Variants in MAPK8 observed in about 807,000 individuals in gnomAD.
The protein encoded by MAPK8 is JUN N-terminal kinase.
MAPK8 carries 13 observed loss-of-function variants against 52.9 expected under a neutral mutation model. That is an observed-to-expected ratio of 0.25 (90% CI 0.16 to 0.39). The LOEUF is 0.39. Ranked by LOEUF, MAPK8 falls within the 10% of genes least tolerant of loss-of-function variation. MAPK8 has a pLI of 1.00. For missense variants in MAPK8, 300 were observed against 519.2 expected (o/e 0.58, Z 4.10); for synonymous variants, 191 against 169.8 (o/e 1.12, Z -0.97).
intron 1 of MAPK8, among the ~76,000 whole-genome samples, chr10:48,312,604 C>T (rs1274234012): frequency 6.6e-6 from 1 of 152,144 alleles, no homozygotes; most frequent in African/African-American, 2.4e-5. Context: ...GAAAAATCAC[C>T]ATTTTCTGAC....
At chr10:48,403,921 G>A (rs1168175937) in intron 2 of MAPK8, among the ~76,000 whole-genome samples, 2 of 141,852 alleles carry the variant, frequency 1.4e-5, no homozygotes, top group African/African-American at 2.6e-5. Context: ...GCTAATTTGT[G>A]TGTGTGTGTG....
At chr10:48,324,245 C>T (rs1843257260) in intron 1 of MAPK8, among the ~76,000 whole-genome samples, 1 of 152,182 alleles carries the variant, frequency 6.6e-6, no homozygotes, top group South Asian at 2.1e-4. Context: ...TCAGTTTGTG[C>T]TGCAACCAGG....
chr10:48,388,656 A>G (rs796812107), intron 1 of MAPK8, among the ~76,000 whole-genome samples: 2 of 152,168 alleles, frequency 1.3e-5, no homozygotes, highest in South Asian at 4.1e-4. Context: ...TCAGTATATA[A>G]TCTCAATTGT....
At chr10:48,393,782 A>G (rs1328379536) in intron 1 of MAPK8, among the ~76,000 whole-genome samples, 2 of 152,102 alleles carry the variant, frequency 1.3e-5, no homozygotes, top group Admixed American at 6.5e-5. Context: ...TTAAGAAACT[A>G]AAAGAAAGAA....
intron 6 of MAPK8, among the ~76,000 whole-genome samples, chr10:48,422,000 A>T (rs897637957): frequency 1.5e-5 from 2 of 134,510 alleles, no homozygotes; most frequent in African/African-American, 5.5e-5. Context: ...CACTCATTTT[A>T]TTTATCTTAT....
chr10:48,331,808 G>C (rs909294939), intron 1 of MAPK8, among the ~76,000 whole-genome samples: 1 of 152,180 alleles, frequency 6.6e-6, no homozygotes, highest in Admixed American at 6.5e-5. Flanking sequence ...AAATATGGGT[G>C]CCCCTATAAT....
At chr10:48,391,465 A>G (rs181448721) in intron 1 of MAPK8, among the ~76,000 whole-genome samples, 50 of 152,300 alleles carry the variant, frequency 3.3e-4, no homozygotes, top group African/African-American at 1.2e-3. Flanking sequence ...AGAGATCAGT[A>G]TATCAAATGC....
At chr10:48,370,781 CT>C (rs1219786066) in intron 1 of MAPK8, among the ~76,000 whole-genome samples, 7 of 151,996 alleles carry the variant, frequency 4.6e-5, no homozygotes, top group African/African-American at 1.7e-4. Flanking sequence ...ACTGTTTCCC[CT>C]TTGAGTACCT....
chr10:48,331,901 G>A (rs929861525), intron 1 of MAPK8, among the ~76,000 whole-genome samples: 26 of 152,254 alleles, frequency 1.7e-4, no homozygotes, highest in African/African-American at 5.8e-4. Context: ...TTGGTCCAGG[G>A]TATTTTAGTT....
Position 48,435,055 on chromosome 10 carries a change from G to GTGGT in MAPK8, c.*26_*27insTGGT. 7.3e-7 allele frequency: 1 copy of GTGGT among 1,375,576 alleles called. No homozygotes were observed. 85.2% of individuals were successfully genotyped at this position (1,375,576 alleles called of 1,614,324 possible). A position where few individuals can be genotyped will look rare whatever the true frequency, so the allele number is the denominator to read the frequency against. ...CTACTTGGGCCATCGGGGGGTGGGAGGGATGGGGAGTCGGTTAGTCATTGA... is the reference window on the plus strand; with the variant it reads ...CTACTTGGGCCATCGGGGGGTGGGAGTGGTGGATGGGGAGTCGGTTAGTCATTGA... On this transcript the variant is annotated 3_prime_UTR_variant, in exon 12 of 12. Transcript: ENST00000374189.
intron 1 of MAPK8, among the ~76,000 whole-genome samples, chr10:48,310,320 G>A (rs7071514): frequency 0.041 from 6,167 of 152,196 alleles, 177 homozygotes; most frequent in African/African-American, 0.085. Context: ...GCCCTTCTTG[G>A]GTGATAATCA....
chr10:48,323,622 T>G (rs1843197616), intron 1 of MAPK8, among the ~76,000 whole-genome samples: 1 of 152,202 alleles, frequency 6.6e-6, no homozygotes, highest in Non-Finnish European at 1.5e-5. Flanking sequence ...AGAGTTTTTG[T>G]TTTTGATTCT....
intron 1 of MAPK8, among the ~76,000 whole-genome samples, chr10:48,393,174 C>T (rs1247540069): frequency 6.6e-6 from 1 of 152,066 alleles, no homozygotes; most frequent in Non-Finnish European, 1.5e-5. Flanking sequence ...TCTCATTGCT[C>T]CAGTTACAGT....
intron 5 of MAPK8, among the ~76,000 whole-genome samples, chr10:48,419,030 A>G (rs1227681916): frequency 6.6e-6 from 1 of 152,206 alleles, no homozygotes; most frequent in Non-Finnish European, 1.5e-5. Flanking sequence ...TAGCAACATT[A>G]TATTTACAGA....
intron 8 of MAPK8, 90 bp downstream of exon 8, chr10:48,426,160 A>T: frequency 8.3e-7 from 1 of 1,206,946 alleles, no homozygotes; most frequent in Non-Finnish European, 1.1e-6. Flanking sequence ...TCATATTCTT[A>T]TGGGACATGA....
chr10:48,416,871 A>G (rs1386803086), intron 5 of MAPK8, among the ~76,000 whole-genome samples: 2 of 152,150 alleles, frequency 1.3e-5, no homozygotes, highest in Admixed American at 1.3e-4. Flanking sequence ...TCATGAATAT[A>G]TCTAAAGTGG....
rs182787752 is a variant in MAPK8, at chr10:48,438,919, C to T, written c.*3890C>T. The T allele has an allele frequency of 7.2e-5, 11 of 152,188 alleles. No homozygotes were observed. The highest frequency in any genetic ancestry group is 1.0e-4 in the Non-Finnish European group (7 of 68,000). 9.4% of individuals were successfully genotyped at this position (152,188 alleles called of 1,614,324 possible). On this transcript the variant is annotated 3_prime_UTR_variant, in exon 12 of 12. Coordinates refer to ENST00000374189, the MANE Select transcript of MAPK8 (RefSeq NM_001323329.2). ...GGAGTAAATCTTAGTAAAAATTTTA[C>T]GAAGAAATAAATTACTTTTGTAGGC...
chr10:48,411,186 T>C (rs539915984), intron 5 of MAPK8, among the ~76,000 whole-genome samples: 1 of 152,342 alleles, frequency 6.6e-6, no homozygotes, highest in Admixed American at 6.5e-5. Context: ...TAAGAATCCA[T>C]TGTCAAACCC....
At chr10:48,433,030 C>T (rs1405287247) in intron 11 of MAPK8, among the ~76,000 whole-genome samples, 1 of 152,102 alleles carries the variant, frequency 6.6e-6, no homozygotes, top group African/African-American at 2.4e-5. Context: ...CGAGTGCCTT[C>T]CTATCTTTGT....
Sources: gnomAD v4.1 joint callset for allele counts (sites outside exome capture counted in the v4.1 genomes callset) on GRCh38, gnomAD v4.1.1 for gene constraint, MANE v1.5 for transcripts, NCBI Gene and HGNC (gene_info 2026-07-23, HGNC 2026-07-21) for gene names.